ST6GALNAC5: variants seen among roughly 807,000 people sequenced by gnomAD.
The protein encoded by ST6GALNAC5 is alpha-N-acetylgalactosaminide alpha-2,6-sialyltransferase 5.
Under a neutral mutation model 33.6 loss-of-function variants are expected in ST6GALNAC5, and 27 were observed. The ratio of observed to expected loss-of-function variants is 0.80; its 90% CI spans 0.59 to 1.11. The LOEUF is 1.11. Ranked by LOEUF, ST6GALNAC5 falls within the 50% of genes least tolerant of loss-of-function variation. The pLI, the probability that ST6GALNAC5 is intolerant of heterozygous loss-of-function variation, is 0.00. For missense variants in ST6GALNAC5, 428 were observed against 454.0 expected, an observed-to-expected ratio of 0.94 and a Z score of 0.52; for synonymous variants, 194 against 171.2, an observed-to-expected ratio of 1.13 and a Z score of -1.04.
At chr1:76,969,011 CT>C (rs1648622163) in intron 2 of ST6GALNAC5, among the ~76,000 whole-genome samples, 1 of 152,166 alleles carries the variant, frequency 6.6e-6, no homozygotes, top group South Asian at 2.1e-4. Context: ...TTGCCCTTAA[CT>C]TTTTTCCCTT....
chr1:77,046,073 A>C (rs1478327358), intron 3 of ST6GALNAC5, among the ~76,000 whole-genome samples: 1 of 152,182 alleles, frequency 6.6e-6, no homozygotes, highest in East Asian at 1.9e-4. Context: ...TTTGTGATGT[A>C]ATTTACCCCT....
chr1:76,990,569 C>A (rs1420048704), intron 2 of ST6GALNAC5, among the ~76,000 whole-genome samples: 1 of 152,096 alleles, frequency 6.6e-6, no homozygotes, highest in African/African-American at 2.4e-5. Context: ...TCTGTGCAGT[C>A]AGCCAGGCTA....
intron 2 of ST6GALNAC5, among the ~76,000 whole-genome samples, chr1:76,992,367 A>C (rs1354200916): frequency 6.6e-6 from 1 of 152,222 alleles, no homozygotes; most frequent in Non-Finnish European, 1.5e-5. Context: ...ATAGGTTCTC[A>C]GTGTCTTCCT....
chr1:76,917,995 A>G (rs1430523008), intron 2 of ST6GALNAC5, among the ~76,000 whole-genome samples: 1 of 152,196 alleles, frequency 6.6e-6, no homozygotes, highest in Non-Finnish European at 1.5e-5. Flanking sequence ...CTACCAGTTC[A>G]GATGGTTGTC....
chr1:77,010,105 G>GT (rs1650576957), intron 2 of ST6GALNAC5, among the ~76,000 whole-genome samples: 1 of 152,166 alleles, frequency 6.6e-6, no homozygotes, highest in African/African-American at 2.4e-5. Context: ...ATGATTTACT[G>GT]TGTCTGTCTT....
intron 2 of ST6GALNAC5, among the ~76,000 whole-genome samples, chr1:76,965,982 C>T (rs1570716130): frequency 6.6e-6 from 1 of 152,126 alleles, no homozygotes; most frequent in Admixed American, 6.5e-5. Context: ...GTTTTGGTAC[C>T]AGTGCCATGC....
In ST6GALNAC5 at chr1:76,868,040, G is replaced by A. The variant is rs1259537028; in HGVS notation, c.15+350G>A. 6.6e-6 allele frequency among the ~76,000 whole-genome samples: 1 copy of A among 152,172 alleles called. No homozygotes were observed. Among genetic ancestry groups the A allele is most frequent in the Non-Finnish European group, 1.5e-5 (1 of 68,020 alleles). On this transcript the variant is annotated intron_variant, in intron 1 of 4. Transcript: ENST00000477717. The surrounding 1 kb of genome is among the most constrained non-coding windows in gnomAD (Gnocchi z 4.3). Reference sequence around the variant, plus strand: ...TGCCAAAAACTAAGAGGGACGGGGAGGGGGGACCTTTGCAGACTTTCTTCG... The same window carrying A: ...TGCCAAAAACTAAGAGGGACGGGGAAGGGGGACCTTTGCAGACTTTCTTCG...
chr1:76,935,430 G>A (rs139587087), intron 2 of ST6GALNAC5, among the ~76,000 whole-genome samples: 30 of 152,108 alleles, frequency 2.0e-4, no homozygotes, highest in African/African-American at 6.5e-4. Context: ...TTTAGGCACC[G>A]ATAATCAGTA....
chr1:77,009,269 T>G (rs909678016), intron 2 of ST6GALNAC5, among the ~76,000 whole-genome samples: 1 of 152,162 alleles, frequency 6.6e-6, no homozygotes, highest in Non-Finnish European at 1.5e-5. Flanking sequence ...CTCTTTGGAC[T>G]TAGCTGGGCC....
intron 2 of ST6GALNAC5, among the ~76,000 whole-genome samples, chr1:76,902,008 C>T (rs1279322813): frequency 3.3e-5 from 5 of 151,964 alleles, no homozygotes; most frequent in Admixed American, 1.3e-4. Flanking sequence ...GTTACTTTCT[C>T]ATATCCAGAA....
chr1:77,054,786 G>A (rs1652337196), intron 4 of ST6GALNAC5, among the ~76,000 whole-genome samples: 1 of 152,110 alleles, frequency 6.6e-6, no homozygotes, highest in Non-Finnish European at 1.5e-5. Flanking sequence ...AAGGGCCTGA[G>A]TTACTTCTAG....
At chr1:76,922,129 A>C (rs1647040146) in intron 2 of ST6GALNAC5, among the ~76,000 whole-genome samples, 1 of 152,234 alleles carries the variant, frequency 6.6e-6, no homozygotes. Context: ...CTACAAAACA[A>C]GTACTGCTAG....
chr1:77,066,899 A>G lies in ST6GALNAC5; in HGVS notation c.*3693A>G, dbSNP rs1652797185. ...TAAGGTCTTCCTTGTAGGTTTTTAAACTAAAGATCTATCTGGGAAACAGAT... is the reference window on the plus strand; with the variant it reads ...TAAGGTCTTCCTTGTAGGTTTTTAAGCTAAAGATCTATCTGGGAAACAGAT... On this transcript the variant is annotated 3_prime_UTR_variant, in exon 5 of 5. Coordinates refer to ENST00000477717, the MANE Select transcript of ST6GALNAC5 (RefSeq NM_030965.3). Among the ~76,000 whole-genome samples the G allele has an allele frequency of 1.3e-5, 2 of 152,298 alleles. No individual in the cohort carries two copies. The highest frequency in any genetic ancestry group is 3.9e-4 in the East Asian group (2 of 5,174).
In ST6GALNAC5 at chr1:77,063,116, G is replaced by C. The variant is rs770117593; in HGVS notation, c.921G>C (p.Trp307Cys). The C allele has an allele frequency of 6.2e-7, 1 of 1,613,740 alleles. No homozygotes were observed. Among genetic ancestry groups the C allele is most frequent in the Non-Finnish European group, 8.5e-7 (1 of 1,179,860 alleles). ...FITEKRVFKNWARTFNIHFFQ... is the reference protein window; with the variant it reads ...FITEKRVFKNCARTFNIHFFQ... ...CAGAGAAACGAGTCTTTAAGAACTG[G>C]GCACGGACATTCAATATTCACTTTT... Residue 307 changes from tryptophan to cysteine, a missense_variant, in exon 5 of 5, where the codon TGG (tryptophan) becomes TGC (cysteine). Trp to Cys is a radical substitution (Grantham distance 215, BLOSUM62 -2). Transcript: ENST00000477717.
intron 2 of ST6GALNAC5, among the ~76,000 whole-genome samples, chr1:76,890,038 A>G (rs1653980153): frequency 6.6e-6 from 1 of 152,106 alleles, no homozygotes; most frequent in Non-Finnish European, 1.5e-5. Flanking sequence ...TATGTTTATC[A>G]TCACTCTACA....
chr1:76,965,864 A>T (rs1648450346), intron 2 of ST6GALNAC5, among the ~76,000 whole-genome samples: 3 of 152,204 alleles, frequency 2.0e-5, no homozygotes, highest in South Asian at 4.1e-4. Context: ...TTAAATAGAG[A>T]ATCCTTTCCC....
At chr1:76,894,012 G>A (rs896738316) in intron 2 of ST6GALNAC5, among the ~76,000 whole-genome samples, 1 of 152,112 alleles carries the variant, frequency 6.6e-6, no homozygotes, top group Non-Finnish European at 1.5e-5. Context: ...ATGTGGCCAT[G>A]GCACACAAAT....
chr1:77,024,598 T>A (rs1202098160), intron 2 of ST6GALNAC5, among the ~76,000 whole-genome samples: 1 of 152,178 alleles, frequency 6.6e-6, no homozygotes, highest in Non-Finnish European at 1.5e-5. Flanking sequence ...TGCCTAGCAC[T>A]GTGTGCTCTG....
chr1:76,928,289 T>G (rs191023733), intron 2 of ST6GALNAC5, among the ~76,000 whole-genome samples: 12 of 152,306 alleles, frequency 7.9e-5, no homozygotes, highest in African/African-American at 2.6e-4. Context: ...ATTTTCATCC[T>G]TCATTGATTT....
Sources: allele counts gnomAD v4.1 joint callset (sites outside exome capture counted in the v4.1 genomes callset), GRCh38; gene constraint gnomAD v4.1.1; non-coding constraint Gnocchi (gnomAD v3.1); transcripts MANE v1.5; gene names NCBI Gene and HGNC (gene_info 2026-07-23, HGNC 2026-07-21).